Variants in USP54 observed in about 807,000 individuals in gnomAD.
The protein encoded by USP54 is ubiquitin carboxyl-terminal hydrolase 54.
In USP54, 87 loss-of-function variants were observed where a neutral mutation model predicts 170.5. The ratio of observed to expected loss-of-function variants is 0.51; its 90% CI spans 0.43 to 0.61. The LOEUF (loss-of-function observed/expected upper bound fraction) is 0.61. USP54 is among the 20% of genes least tolerant of loss of function. The pLI is 0.00. For synonymous variants in USP54, 655 were observed against 742.8 expected, an observed-to-expected ratio of 0.88 and a Z score of 1.92; for missense variants, 1,786 against 2,047.8, an observed-to-expected ratio of 0.87 and a Z score of 2.47.
At chr10:73,529,564 A>C (rs1564709266) in intron 15 of USP54, 116 bp downstream of exon 15, 3 of 1,148,042 alleles carry the variant, frequency 2.6e-6, no homozygotes, top group Non-Finnish European at 2.6e-6. Context: ...GAAAGAGCAC[A>C]TAGAGATAAT....
rs998229927 is a variant in USP54, at chr10:73,605,365, AT to A, written c.-18+20201del. Reference sequence around the variant, plus strand: ...AGGTGTGAGCCACTGCACCTAGCCAATTTTTTTTTTAATTAGTTGGATGTGG... The same window carrying A: ...AGGTGTGAGCCACTGCACCTAGCCAATTTTTTTTTAATTAGTTGGATGTGG... On this transcript the variant is annotated intron_variant, in intron 1 of 22. Transcript: ENST00000339859. Among the ~76,000 whole-genome samples, 11 of 149,766 alleles carry A rather than the reference AT, an allele frequency of 7.3e-5. 1 individual carries two copies. The South Asian group carries it at 8.5e-4, about 12-fold the overall frequency.
At chr10:73,570,445 AAT>A (rs770356567) in intron 4 of USP54, among the ~76,000 whole-genome samples, 4 of 151,782 alleles carry the variant, frequency 2.6e-5, no homozygotes, top group Non-Finnish European at 5.9e-5. Context: ...AAAACTAAAC[AAT>A]ACATGGGGTA....
intron 20 of USP54, among the ~76,000 whole-genome samples, chr10:73,514,387 C>A (rs1169186977): frequency 6.6e-6 from 1 of 151,328 alleles, no homozygotes; most frequent in Non-Finnish European, 1.5e-5. Context: ...ACATGGTGAA[C>A]CCCATCTCTA....
At chr10:73,596,460 G>A (rs1465639460) in intron 1 of USP54, among the ~76,000 whole-genome samples, 2 of 151,990 alleles carry the variant, frequency 1.3e-5, no homozygotes, top group Non-Finnish European at 2.9e-5. Flanking sequence ...TCGGGAGGCT[G>A]AGGCAGGAGA....
chr10:73,550,470 A>G (rs1027266433), intron 4 of USP54, among the ~76,000 whole-genome samples: 1 of 152,154 alleles, frequency 6.6e-6, no homozygotes, highest in Non-Finnish European at 1.5e-5. Flanking sequence ...CCACTCTTAC[A>G]TATTTTTTCT....
intron 4 of USP54, chr10:73,553,288 T>G (rs1564806535): frequency 6.6e-6 from 1 of 152,208 alleles, no homozygotes; most frequent in African/African-American, 2.4e-5. Context: ...TGACTACATC[T>G]TCTTTATTCT....
In USP54 at chr10:73,516,658, AG is replaced by A; in HGVS notation, c.3767del (p.Thr1256IlefsTer9). 6.2e-7 allele frequency: 1 copy of A among 1,614,252 alleles called. No individual in the cohort carries two copies. Among genetic ancestry groups the A allele is most frequent in the Non-Finnish European group, 8.5e-7 (1 of 1,180,046 alleles). On this transcript the variant is annotated frameshift_variant, in exon 20 of 24. Coordinates refer to ENST00000687698, the MANE Select transcript of USP54 (RefSeq NM_001391956.1). LOFTEE classifies it high-confidence loss of function. ...KDLGSSTDLG[T>X]SLPLDSWVNI... Reference sequence around the variant, plus strand: ...TCACCCAGGAATCCAAAGGCAAGGAAGTCCCCAAGTCAGTACTGCTGCCCAG... The same window carrying A: ...TCACCCAGGAATCCAAAGGCAAGGAATCCCCAAGTCAGTACTGCTGCCCAG...
At chr10:73,580,603 G>A (rs865800436) in intron 1 of USP54, among the ~76,000 whole-genome samples, 1 of 151,648 alleles carries the variant, frequency 6.6e-6, no homozygotes, top group Non-Finnish European at 1.5e-5. Context: ...ATGGAGTTTC[G>A]CTCTTCTTGC....
At chr10:73,592,109 C>G (rs1313312638), upstream of USP54, among the ~76,000 whole-genome samples, 1 of 151,818 alleles carries the variant, frequency 6.6e-6, no homozygotes. Context: ...AGTCCCACCC[C>G]CAAACATGTG....
At chr10:73,615,924 A>G (rs2080592795) in intron 1 of USP54, among the ~76,000 whole-genome samples, 1 of 148,300 alleles carries the variant, frequency 6.7e-6, no homozygotes, top group Admixed American at 6.6e-5. Context: ...AAAAAAAAAA[A>G]GGCCCAGCAC....
chr10:73,554,410 C>G (rs2070435671), intron 4 of USP54, among the ~76,000 whole-genome samples: 1 of 152,190 alleles, frequency 6.6e-6, no homozygotes, highest in African/African-American at 2.4e-5. Flanking sequence ...ATTGGCCAGT[C>G]TGGCTTCTTT....
chr10:73,501,658 A>G (rs2058138220), intron 22 of USP54, among the ~76,000 whole-genome samples: 1 of 150,410 alleles, frequency 6.6e-6, no homozygotes, highest in Non-Finnish European at 1.5e-5. Context: ...TCTCCCATCC[A>G]CTCCTCCTTA....
At chr10:73,543,233 G>T in intron 5 of USP54, 102 bp from the exon 6 acceptor site, 3 of 786,458 alleles carry the variant, frequency 3.8e-6, no homozygotes, top group Non-Finnish European at 6.3e-6. Context: ...CTTCTGGAAG[G>T]TAGGAATATT....
At chr10:73,545,780 A>G in intron 4 of USP54, 108 bp from the exon 5 acceptor site, 1 of 1,319,202 alleles carries the variant, frequency 7.6e-7, no homozygotes, top group Non-Finnish European at 1.0e-6. Flanking sequence ...ATGAAACCAA[A>G]TGTGCTTCCC....
intron 1 of USP54, among the ~76,000 whole-genome samples, chr10:73,581,228 G>A (rs1418198971): frequency 6.6e-6 from 1 of 152,240 alleles, no homozygotes; most frequent in Non-Finnish European, 1.5e-5. Flanking sequence ...AGTTCGAGGT[G>A]AGCGTGGGCA....
chr10:73,498,537 G>T lies in USP54; in HGVS notation c.*92C>A, dbSNP rs1347994434. On this transcript the variant is annotated 3_prime_UTR_variant, in exon 24 of 24. Transcript: ENST00000687698. ...GATCCACCCGCCTCAGCCTCCCAAAGTGCTGGGATTACAGGTGTGAGCCAC... is the reference window on the plus strand; with the variant it reads ...GATCCACCCGCCTCAGCCTCCCAAATTGCTGGGATTACAGGTGTGAGCCAC... The T allele has an allele frequency of 2.3e-6, 3 of 1,310,222 alleles. No homozygotes were observed. Among genetic ancestry groups the T allele is most frequent in the Non-Finnish European group, 3.1e-6 (3 of 971,272 alleles). The allele number at this position is 1,310,222 out of a possible 1,614,324, so 81.2% of individuals were successfully genotyped here. A position where few individuals can be genotyped will look rare whatever the true frequency, so the allele number is the denominator to read the frequency against.
chr10:73,622,722 G>A (rs2081190391), intron 1 of USP54, among the ~76,000 whole-genome samples: 1 of 152,110 alleles, frequency 6.6e-6, no homozygotes, highest in Admixed American at 6.6e-5. Flanking sequence ...GGAGGCTGAG[G>A]TGGGAGGATC....
intron 15 of USP54, chr10:73,528,990 T>C (rs186617013): frequency 5.9e-5 from 9 of 152,390 alleles, no homozygotes; most frequent in African/African-American, 2.2e-4. Flanking sequence ...TGCAGTACAA[T>C]TTTATTAATT....
At chr10:73,595,858 C>T (rs2078683229), upstream of USP54, among the ~76,000 whole-genome samples, 1 of 152,128 alleles carries the variant, frequency 6.6e-6, no homozygotes, top group Admixed American at 6.6e-5. Context: ...GCCTGTAATC[C>T]CAACACTTTG....
Sources: allele counts gnomAD v4.1 joint callset (sites outside exome capture counted in the v4.1 genomes callset), GRCh38; gene constraint gnomAD v4.1.1; transcripts MANE v1.5; gene names NCBI Gene and HGNC (gene_info 2026-07-23, HGNC 2026-07-21).